GTF2I: variants seen among roughly 807,000 people sequenced by gnomAD.
GTF2I encodes general transcription factor II-I.
GTF2I carries 12 observed loss-of-function variants against 67.6 expected under a neutral mutation model. The ratio of observed to expected loss-of-function variants is 0.18; its 90% confidence interval spans 0.11 to 0.29. The LOEUF is 0.29. Among genes scored for constraint, GTF2I ranks in the 10% least tolerant of loss-of-function variants. The pLI, the probability that GTF2I is intolerant of heterozygous loss-of-function variation, is 1.00. For missense variants in GTF2I, 271 were observed against 580.1 expected (o/e 0.47, Z 5.47); for synonymous variants, 149 against 197.0 (o/e 0.76, Z 2.04).
intron 1 of GTF2I, among the ~76,000 whole-genome samples, chr7:74,658,614 G>A (rs1483307836): frequency 2.0e-5 from 3 of 150,604 alleles, no homozygotes; most frequent in Admixed American, 6.6e-5. Flanking sequence ...TTGGCCAACC[G>A]GCGCGGGGGC....
intron 1 of GTF2I, among the ~76,000 whole-genome samples, chr7:74,659,793 T>A (rs937202250): frequency 6.6e-6 from 1 of 152,164 alleles, no homozygotes; most frequent in African/African-American, 2.4e-5. Context: ...TCCTCCCGTT[T>A]AGGCCTCCCA....
At chr7:74,665,217 C>T (rs1387526805) in intron 1 of GTF2I, among the ~76,000 whole-genome samples, 2 of 151,836 alleles carry the variant, frequency 1.3e-5, no homozygotes, top group Admixed American at 1.3e-4. Flanking sequence ...GCTGGGATTA[C>T]AGGTGTGAGC....
intron 1 of GTF2I, among the ~76,000 whole-genome samples, chr7:74,662,619 T>A (rs1284878796): frequency 1.4e-5 from 2 of 140,790 alleles, no homozygotes; most frequent in African/African-American, 5.3e-5. Flanking sequence ...GCCTCCTGGG[T>A]TGAAGTGATT....
At chr7:74,721,614 A>C (rs1554404633) in intron 12 of GTF2I, among the ~76,000 whole-genome samples, 2 of 152,022 alleles carry the variant, frequency 1.3e-5, no homozygotes, top group African/African-American at 4.8e-5. Context: ...GAAGATAAAA[A>C]ACTGTCTCAA....
intron 9 of GTF2I, among the ~76,000 whole-genome samples, chr7:74,713,840 A>G (rs587616853): frequency 1.3e-5 from 2 of 152,304 alleles, no homozygotes; most frequent in East Asian, 1.9e-4. Flanking sequence ...TCAGAAGACT[A>G]GGAAGCAGTG....
chr7:74,704,041 C>G (rs1790220063), intron 6 of GTF2I, among the ~76,000 whole-genome samples: 1 of 152,094 alleles, frequency 6.6e-6, no homozygotes, highest in Non-Finnish European at 1.5e-5. Flanking sequence ...AATCTAAGTG[C>G]CTCTTATTTC....
intron 12 of GTF2I, among the ~76,000 whole-genome samples, chr7:74,724,821 T>G (rs1278311152): frequency 6.6e-6 from 1 of 152,104 alleles, no homozygotes; most frequent in Non-Finnish European, 1.5e-5. Flanking sequence ...CTCTGGAGGC[T>G]GAGGCAGGAG....
In GTF2I at chr7:74,673,056, A is replaced by T. The variant is rs188236042; in HGVS notation, c.-6+14988A>T. ...TTTGTATTTTTAGTAAAGATGGGGT[A>T]TCACCGTGTTAGCCAGGATGGTCTC... On this transcript the variant is annotated intron_variant, in intron 1 of 34. Coordinates refer to ENST00000573035, the MANE Select transcript of GTF2I (RefSeq NM_032999.4). Among the ~76,000 whole-genome samples the T allele has an allele frequency of 8.9e-4, 135 of 152,072 alleles. 1 individual carries two copies. Among genetic ancestry groups the T allele is most frequent in the Admixed American group, 2.4e-3 (36 of 15,258 alleles).
chr7:74,684,870 A>C (rs1787563139), intron 1 of GTF2I: 1 of 152,274 alleles, frequency 6.6e-6, no homozygotes, highest in South Asian at 2.1e-4. Context: ...CCAATGGAAG[A>C]AGCACCAAAA....
intron 29 of GTF2I, among the ~76,000 whole-genome samples, chr7:74,753,530 CG>C (rs1209532874): frequency 2.7e-5 from 4 of 146,460 alleles, no homozygotes; most frequent in Non-Finnish European, 6.0e-5. Context: ...AAAAATTAGC[CG>C]GGTATGGTGG....
intron 14 of GTF2I, among the ~76,000 whole-genome samples, chr7:74,730,713 C>CTTTTTTTTTTTTTTT (rs869183139): frequency 4.7e-5 from 3 of 63,916 alleles, no homozygotes; most frequent in Non-Finnish European, 8.1e-5. Flanking sequence ...CTACTTTTAT[C>CTTTTTTTTTTTTTTT]TTTTTTTTTT....
intron 3 of GTF2I, among the ~76,000 whole-genome samples, chr7:74,694,123 A>G (rs1405518492): frequency 6.6e-6 from 1 of 152,200 alleles, no homozygotes; most frequent in Non-Finnish European, 1.5e-5. Flanking sequence ...ATAGGAAGAA[A>G]GTTTGAATGG....
At chr7:74,667,513 TA>T (rs1170474970) in intron 1 of GTF2I, among the ~76,000 whole-genome samples, 2 of 152,152 alleles carry the variant, frequency 1.3e-5, no homozygotes, top group Non-Finnish European at 2.9e-5. Flanking sequence ...ATTACCATTT[TA>T]ACCTTTTTTT....
intron 12 of GTF2I, among the ~76,000 whole-genome samples, chr7:74,723,403 A>G (rs587634576): frequency 7.5e-5 from 10 of 133,870 alleles, no homozygotes; most frequent in Admixed American, 4.0e-4. Flanking sequence ...CTGGGATTAC[A>G]GGCATAAGCC....
intron 2 of GTF2I, among the ~76,000 whole-genome samples, chr7:74,690,487 G>A (rs1040655698): frequency 6.6e-6 from 1 of 152,160 alleles, no homozygotes; most frequent in Non-Finnish European, 1.5e-5. Context: ...ACTTCTGGAG[G>A]TGGGGATTAT....
At chr7:74,685,133 G>T (rs1554395115) in intron 1 of GTF2I, among the ~76,000 whole-genome samples, 1 of 152,200 alleles carries the variant, frequency 6.6e-6, no homozygotes, top group Non-Finnish European at 1.5e-5. Context: ...AGTTACAAAG[G>T]TTACACCCTA....
intron 3 of GTF2I, among the ~76,000 whole-genome samples, chr7:74,693,758 A>ACC (rs1220231350): frequency 6.6e-6 from 1 of 152,090 alleles, no homozygotes; most frequent in Non-Finnish European, 1.5e-5. Context: ...AGGCAGGTGA[A>ACC]TTACTTGAAC....
At chr7:74,730,713 C>CTTTTTTTTTTTTTTTT (rs869183139) in intron 14 of GTF2I, among the ~76,000 whole-genome samples, 4 of 63,922 alleles carry the variant, frequency 6.3e-5, no homozygotes, top group Non-Finnish European at 8.1e-5. Flanking sequence ...CTACTTTTAT[C>CTTTTTTTTTTTTTTTT]TTTTTTTTTT....
intron 1 of GTF2I, among the ~76,000 whole-genome samples, chr7:74,664,256 T>C (rs1009357733): frequency 3.9e-5 from 6 of 152,196 alleles, no homozygotes; most frequent in African/African-American, 9.6e-5. Context: ...CCCTGCTGTC[T>C]TCCTGTTTGT....
Sources: allele counts gnomAD v4.1 joint callset (sites outside exome capture counted in the v4.1 genomes callset), GRCh38; gene constraint gnomAD v4.1.1; transcripts MANE v1.5; gene names NCBI Gene and HGNC (gene_info 2026-07-23, HGNC 2026-07-21).